The following SNTG2 variants were observed in gnomAD, a reference collection of about 807,000 sequenced individuals.
SNTG2 encodes the protein syntrophin gamma 2, also known as gamma-2-syntrophin.
In SNTG2, 74 loss-of-function variants were observed where a neutral mutation model predicts 70.9. The ratio of observed to expected loss-of-function variants is 1.04; its 90% CI spans 0.86 to 1.27. The LOEUF (loss-of-function observed/expected upper bound fraction) is 1.27. Among genes scored for constraint, SNTG2 ranks in the 50% most tolerant of loss-of-function variants. The probability of loss-of-function intolerance (pLI) is 0.00; values close to 1 mark genes in which losing one functional copy is unlikely to be tolerated. For missense variants in SNTG2, 717 were observed against 690.7 expected (o/e 1.04, Z -0.43); for synonymous variants, 278 against 273.8 (o/e 1.02, Z -0.15).
intron 1 of SNTG2, among the ~76,000 whole-genome samples, chr2:1,010,544 A>G (rs1037097132): frequency 3.3e-5 from 5 of 152,230 alleles, no homozygotes; most frequent in Admixed American, 6.5e-5. Flanking sequence ...AGAAGTTGGA[A>G]TACGGCCAAC....
intron 2 of SNTG2, among the ~76,000 whole-genome samples, chr2:1,088,695 T>C (rs1426382763): frequency 6.6e-6 from 1 of 152,204 alleles, no homozygotes; most frequent in East Asian, 1.9e-4. Context: ...CAAACTGTAA[T>C]ATGAATTCTT....
intron 6 of SNTG2, among the ~76,000 whole-genome samples, chr2:1,149,878 C>T (rs71339718): frequency 0.94 from 141,255 of 150,784 alleles, 66,289 homozygotes; most frequent in Non-Finnish European, 0.97. Context: ...TTAGTAGAGA[C>T]GGGGTTTCAC....
At chr2:969,858 G>A (rs938933600) in intron 1 of SNTG2, among the ~76,000 whole-genome samples, 1 of 152,102 alleles carries the variant, frequency 6.6e-6, no homozygotes, top group Non-Finnish European at 1.5e-5. Flanking sequence ...TTTTAATTCT[G>A]TCTCTTGCCT....
intron 13 of SNTG2, chr2:1,262,868 A>T (rs983741249): frequency 1.3e-5 from 2 of 152,304 alleles, no homozygotes; most frequent in Non-Finnish European, 2.9e-5. Context: ...CCAGCCGCTG[A>T]CTGACTGTTG....
At chr2:1,223,330 G>A (rs587747539) in intron 9 of SNTG2, among the ~76,000 whole-genome samples, 15 of 150,876 alleles carry the variant, frequency 9.9e-5, no homozygotes, top group African/African-American at 2.7e-4. Context: ...AGAGGAAGGC[G>A]GCGCAGTGAT....
Position 950,962 on chromosome 2 carries a change from C to G in SNTG2, c.-35C>G. The G allele has an allele frequency of 8.6e-7, 1 of 1,165,604 alleles. No homozygotes were observed. The highest frequency in any genetic ancestry group is 1.1e-6 in the Non-Finnish European group (1 of 931,416). The allele number at this position is 1,165,604 out of a possible 1,614,324, so 72.2% of individuals were successfully genotyped here. On this transcript the variant is annotated 5_prime_UTR_variant, in exon 1 of 17. Coordinates refer to ENST00000308624, the MANE Select transcript of SNTG2 (RefSeq NM_018968.4). The stretch of plus-strand genomic sequence containing the variant: ...ACGGGGTCCTGGCGTTGAGCTCGGC[C>G]GGCCCGGAGCGCGGACCCAGCCGCA...
chr2:955,837 T>C (rs1572159722), intron 1 of SNTG2, among the ~76,000 whole-genome samples: 2 of 152,276 alleles, frequency 1.3e-5, no homozygotes, highest in South Asian at 4.1e-4. Context: ...GTCCTCTCAC[T>C]CCGAACAGGG....
At position 1,012,080 on chromosome 2, in the gene SNTG2, A is replaced by G. The variant is rs1013650007; in HGVS notation, c.72+61012A>G. ...TTCCTCTAAATCAAGCAATCTCTAA[A>G]TCATAAGCAAATTTCATTGCTATTG... On this transcript the variant is annotated intron_variant, in intron 1 of 16. Transcript: ENST00000308624. Among the ~76,000 whole-genome samples, 10 of 152,348 alleles carry G rather than the reference A, an allele frequency of 6.6e-5. 1 individual carries two copies. In the South Asian group the frequency reaches 1.7e-3, roughly 25 times the overall value.
At chr2:1,181,444 C>T (rs1221580983) in intron 8 of SNTG2, among the ~76,000 whole-genome samples, 1 of 152,172 alleles carries the variant, frequency 6.6e-6, no homozygotes, top group African/African-American at 2.4e-5. Flanking sequence ...CACTTTCATC[C>T]TCCCAGGGCC....
At chr2:1,203,672 AAATAT>A (rs1169614210) in intron 8 of SNTG2, among the ~76,000 whole-genome samples, 1 of 96,950 alleles carries the variant, frequency 1.0e-5, no homozygotes, top group African/African-American at 3.7e-5. Context: ...ACAAAAAAAA[AAATAT>A]ATATATATAT....
intron 15 of SNTG2, among the ~76,000 whole-genome samples, chr2:1,313,746 G>A (rs1013712306): frequency 4.6e-5 from 7 of 152,170 alleles, no homozygotes; most frequent in African/African-American, 1.4e-4. Context: ...AGTCACGCCT[G>A]CGCCCATGGA....
chr2:1,005,806 AATATATAT>A (rs56246912), intron 1 of SNTG2, among the ~76,000 whole-genome samples: 1 of 31,264 alleles, frequency 3.2e-5, no homozygotes, highest in Non-Finnish European at 6.2e-5. Context: ...TCTGCCTCAA[AATATATAT>A]ATATATATAT....
rs550689429 is a variant in SNTG2 at position 1,215,842 on chromosome 2, A to G, written c.719+6612A>G. On this transcript the variant is annotated intron_variant, in intron 9 of 16. Transcript: ENST00000308624. Reference sequence around the variant, plus strand: ...TCCTTGTGATAGTTTGCTGAGAATGATGGTTTCCAGCTTCATCCATGTCCC... The same window carrying G: ...TCCTTGTGATAGTTTGCTGAGAATGGTGGTTTCCAGCTTCATCCATGTCCC... Among the ~76,000 whole-genome samples the G allele has an allele frequency of 2.2e-3, 329 of 152,038 alleles. 3 individuals are homozygous for G. Among genetic ancestry groups the G allele is most frequent in the Non-Finnish European group, 3.8e-3 (257 of 68,022 alleles).
intron 7 of SNTG2, among the ~76,000 whole-genome samples, chr2:1,167,530 G>A (rs1194841316): frequency 7.6e-6 from 1 of 131,958 alleles, no homozygotes; most frequent in African/African-American, 2.9e-5. Flanking sequence ...CCTACAGGCC[G>A]CCCACAGACG....
intron 6 of SNTG2, among the ~76,000 whole-genome samples, chr2:1,149,957 GA>G (rs1158163558): frequency 6.6e-6 from 1 of 152,162 alleles, no homozygotes; most frequent in Non-Finnish European, 1.5e-5. Flanking sequence ...CAAAGTGCTG[GA>G]ATTACAGGCC....
At chr2:1,299,781 T>A (rs189524266) in intron 14 of SNTG2, among the ~76,000 whole-genome samples, 236 of 152,298 alleles carry the variant, frequency 1.5e-3, no homozygotes, top group African/African-American at 5.2e-3. Flanking sequence ...CTCTGTGCCT[T>A]TGGCAAGCTG....
In SNTG2 at chr2:1,167,027, G is replaced by A. The variant is rs746958428; in HGVS notation, c.499+1392G>A. Among the ~76,000 whole-genome samples, 10 of 152,322 alleles carry A rather than the reference G, an allele frequency of 6.6e-5. No homozygotes were observed. In the South Asian group the frequency reaches 1.0e-3, roughly 16 times the overall value. On this transcript the variant is annotated intron_variant, in intron 7 of 16. Coordinates refer to ENST00000308624, the MANE Select transcript of SNTG2 (RefSeq NM_018968.4). Reference sequence around the variant, plus strand: ...CCTTGTGCCAACCCTCCAAGCTCACGTGGGATCTGATTCTTCTGGTATGCT... The same window carrying A: ...CCTTGTGCCAACCCTCCAAGCTCACATGGGATCTGATTCTTCTGGTATGCT...
At chr2:1,051,161 C>CCTTTCTTCCTCCCTCCCCCG (rs1338645438) in intron 1 of SNTG2, among the ~76,000 whole-genome samples, 6 of 148,582 alleles carry the variant, frequency 4.0e-5, no homozygotes, top group African/African-American at 1.5e-4. Flanking sequence ...TCCCTCTCCC[C>CCTTTCTTCCTCCCTCCCCCG]CTTTCTTCCT....
At chr2:1,309,441 G>A (rs78055774) in intron 15 of SNTG2, among the ~76,000 whole-genome samples, 2,338 of 152,328 alleles carry the variant, frequency 0.015, 53 homozygotes, top group African/African-American at 0.052. Context: ...ACCTTTCCTA[G>A]GCAGGGTCTC....
Sources: gnomAD v4.1 joint callset for allele counts (sites outside exome capture counted in the v4.1 genomes callset) on GRCh38, gnomAD v4.1.1 for gene constraint, MANE v1.5 for transcripts, NCBI Gene and HGNC (gene_info 2026-07-23, HGNC 2026-07-21) for gene names.